The following ANKS1B variants were observed in gnomAD, a reference collection of about 807,000 sequenced individuals.
ANKS1B encodes the protein ankyrin repeat and sterile alpha motif domain-containing protein 1B.
A neutral mutation model predicts 148.3 loss-of-function variants in ANKS1B; 36 were observed. That is an observed-to-expected ratio of 0.24 (90% confidence interval 0.19 to 0.32). The LOEUF (loss-of-function observed/expected upper bound fraction) is 0.32, where lower values mean the gene tolerates loss of function less well. Among genes scored for constraint, ANKS1B ranks in the 10% least tolerant of loss-of-function variants. The pLI is 1.00. For missense variants in ANKS1B, 1,157 were observed against 1,542.6 expected (o/e 0.75, Z 4.19); for synonymous variants, 542 against 560.8 (o/e 0.97, Z 0.47).
chr12:98,824,461 G>T lies in ANKS1B; in HGVS notation c.3066+4713C>A, dbSNP rs532713123. 4.2e-3 allele frequency among the ~76,000 whole-genome samples: 635 copies of T among 152,266 alleles called. 1 individual carries two copies. Among genetic ancestry groups the T allele is most frequent in the Non-Finnish European group, 6.6e-3 (452 of 68,020 alleles). ...ACCTTTGAATTAGGGACTGACAGGT[G>T]ATGGGTCTGAACCGATAGTCATATC... On this transcript the variant is annotated intron_variant, in intron 19 of 26. Coordinates refer to ENST00000683438, the MANE Select transcript of ANKS1B (RefSeq NM_001352186.2).
intron 8 of ANKS1B, among the ~76,000 whole-genome samples, chr12:99,658,848 T>C (rs1316263465): frequency 6.6e-6 from 1 of 152,212 alleles, no homozygotes; most frequent in Non-Finnish European, 1.5e-5. Flanking sequence ...GCAAATATAC[T>C]ACACAGACAC....
chr12:99,214,939 G>A (rs373106708), intron 14 of ANKS1B, among the ~76,000 whole-genome samples: 10 of 152,192 alleles, frequency 6.6e-5, no homozygotes, highest in African/African-American at 2.4e-4. Flanking sequence ...AAAGAGACTA[G>A]TGGCATTTTG....
chr12:99,037,265 C>T lies in ANKS1B; in HGVS notation c.2778+15892G>A, dbSNP rs150383294. Among the ~76,000 whole-genome samples, 366 of 152,180 alleles carry T rather than the reference C, an allele frequency of 2.4e-3. 2 individuals carry two copies. The highest frequency in any genetic ancestry group is 0.01 in the Middle Eastern group (3 of 294). ...GGCGCTGTGGCTCACGTCTGTAATC[C>T]CAGCACTTTGGGAGGCCGTGGTGGG... is the stretch of plus-strand genomic sequence containing the variant. On this transcript the variant is annotated intron_variant, in intron 17 of 26. Coordinates refer to ENST00000683438, the MANE Select transcript of ANKS1B (RefSeq NM_001352186.2).
chr12:99,049,134 A>C (rs532042618), intron 17 of ANKS1B: 1 of 152,200 alleles, frequency 6.6e-6, no homozygotes, highest in Admixed American at 6.5e-5. Context: ...AATATTTCTC[A>C]TTTATTATGT....
intron 2 of ANKS1B, among the ~76,000 whole-genome samples, chr12:99,812,710 T>A (rs28392879): frequency 0.29 from 42,985 of 150,650 alleles, 6,481 homozygotes; most frequent in African/African-American, 0.35. Flanking sequence ...TTTTTTTTTT[T>A]AAAAAAAGAG....
intron 9 of ANKS1B, among the ~76,000 whole-genome samples, chr12:99,516,202 G>A (rs971297036): frequency 1.3e-5 from 2 of 151,964 alleles, no homozygotes; most frequent in African/African-American, 4.8e-5. Context: ...GTGCTTGAGG[G>A]GTATTACTCA....
chr12:99,834,422 T>A (rs1039508585), intron 1 of ANKS1B, among the ~76,000 whole-genome samples: 1 of 152,196 alleles, frequency 6.6e-6, no homozygotes, highest in African/African-American at 2.4e-5. Flanking sequence ...CCAAAATGAA[T>A]GTTCTCAGAC....
intron 14 of ANKS1B, among the ~76,000 whole-genome samples, chr12:99,181,137 CAT>C (rs1452374600): frequency 3.9e-5 from 6 of 152,254 alleles, no homozygotes; most frequent in African/African-American, 1.4e-4. Flanking sequence ...TTGTGTGTCA[CAT>C]AAACTTTGGT....
chr12:99,484,141 A>G (rs532386665), intron 10 of ANKS1B, among the ~76,000 whole-genome samples: 2 of 151,966 alleles, frequency 1.3e-5, no homozygotes, highest in Non-Finnish European at 2.9e-5. Flanking sequence ...GAGCACTATA[A>G]ACTTTCCTTT....
intron 9 of ANKS1B, among the ~76,000 whole-genome samples, chr12:99,571,634 G>A (rs2087874052): frequency 6.6e-6 from 1 of 152,060 alleles, no homozygotes; most frequent in Non-Finnish European, 1.5e-5. Flanking sequence ...CATTTAAGGT[G>A]ATTTGATCCA....
intron 12 of ANKS1B, among the ~76,000 whole-genome samples, chr12:99,253,234 A>G (rs117594404): frequency 0.011 from 1,667 of 152,004 alleles, 34 homozygotes; most frequent in Non-Finnish European, 0.011. Flanking sequence ...TAGAAAAAAA[A>G]AAAAGGCAGT....
intron 12 of ANKS1B, among the ~76,000 whole-genome samples, chr12:99,278,352 C>A (rs1015669713): frequency 6.6e-6 from 1 of 152,198 alleles, no homozygotes; most frequent in Non-Finnish European, 1.5e-5. Context: ...CTGTATGAAC[C>A]CCTGTGTCCA....
chr12:98,908,668 C>T (rs1391642867), intron 17 of ANKS1B, among the ~76,000 whole-genome samples: 1 of 152,100 alleles, frequency 6.6e-6, no homozygotes, highest in African/African-American at 2.4e-5. Flanking sequence ...AGAAGAGTCA[C>T]CATGGACAGA....
chr12:99,556,796 T>G (rs546352415), intron 9 of ANKS1B, among the ~76,000 whole-genome samples: 51 of 152,346 alleles, frequency 3.3e-4, no homozygotes, highest in Middle Eastern at 6.8e-3. Context: ...TATTGTGCTG[T>G]GGTCAGAGAG....
intron 14 of ANKS1B, among the ~76,000 whole-genome samples, chr12:99,202,573 T>C (rs1163487730): frequency 6.6e-6 from 1 of 152,262 alleles, no homozygotes; most frequent in Non-Finnish European, 1.5e-5. Context: ...CTCATCTTTC[T>C]AACACATTGT....
intron 1 of ANKS1B, among the ~76,000 whole-genome samples, chr12:99,861,183 C>T (rs1404158601): frequency 3.3e-5 from 5 of 152,310 alleles, no homozygotes; most frequent in African/African-American, 9.6e-5. Flanking sequence ...GAGCAGAACC[C>T]TCTGAACCTC....
At chr12:98,882,026 T>C (rs2099709280) in intron 17 of ANKS1B, among the ~76,000 whole-genome samples, 1 of 152,106 alleles carries the variant, frequency 6.6e-6, no homozygotes, top group African/African-American at 2.4e-5. Context: ...ACTATGGAAA[T>C]TCACTGTTAT....
intron 14 of ANKS1B, among the ~76,000 whole-genome samples, chr12:99,212,811 G>T (rs1286698871): frequency 6.6e-6 from 1 of 152,196 alleles, no homozygotes; most frequent in African/African-American, 2.4e-5. Flanking sequence ...AGATGTCATT[G>T]AATAATATTA....
chr12:99,508,753 G>GATA (rs1389856878), intron 9 of ANKS1B, among the ~76,000 whole-genome samples: 1 of 151,710 alleles, frequency 6.6e-6, no homozygotes, highest in Non-Finnish European at 1.5e-5. Context: ...GAATTCCTGT[G>GATA]ATAATACATA....
Sources: allele counts gnomAD v4.1 joint callset (sites outside exome capture counted in the v4.1 genomes callset), GRCh38; gene constraint gnomAD v4.1.1; transcripts MANE v1.5; gene names NCBI Gene and HGNC (gene_info 2026-07-23, HGNC 2026-07-21).